Variants in PTPRD observed in about 807,000 individuals in gnomAD.
PTPRD encodes the protein protein tyrosine phosphatase receptor type D, also known as receptor-type tyrosine-protein phosphatase delta.
In PTPRD, 34 loss-of-function variants were observed where a neutral mutation model predicts 214.5. The observed-to-expected ratio is 0.16, with a 90% CI of 0.12 to 0.21. The LOEUF (loss-of-function observed/expected upper bound fraction) is 0.21, where lower values mean the gene tolerates loss of function less well. PTPRD is among the 10% of genes least tolerant of loss of function. PTPRD has a pLI of 1.00. For synonymous variants in PTPRD, 1,128 were observed against 845.7 expected (o/e 1.33, Z -5.79); for missense variants, 2,545 against 2,398.7 (o/e 1.06, Z -1.27).
intron 2 of PTPRD, among the ~76,000 whole-genome samples, chr9:10,505,461 T>C (rs1459339088): frequency 6.6e-6 from 1 of 152,196 alleles, no homozygotes; most frequent in Non-Finnish European, 1.5e-5. Context: ...AATAGACATA[T>C]CAGCCACTGA....
intron 5 of PTPRD, among the ~76,000 whole-genome samples, chr9:9,818,187 G>C (rs1309462554): frequency 6.6e-6 from 1 of 152,144 alleles, no homozygotes; most frequent in East Asian, 1.9e-4. Flanking sequence ...ACACCAACAA[G>C]AAGTGTCAGA....
chr9:8,713,693 T>G, intron 12 of PTPRD: 1 of 1,513,172 alleles, frequency 6.6e-7, no homozygotes, highest in South Asian at 1.1e-5. Context: ...CAGATCATGA[T>G]GGTGGAAGAG....
At chr9:9,936,416 A>C (rs1183713019) in intron 5 of PTPRD, among the ~76,000 whole-genome samples, 1 of 151,982 alleles carries the variant, frequency 6.6e-6, no homozygotes, top group African/African-American at 2.4e-5. Flanking sequence ...TGGGCGAAGG[A>C]CATGAACAGA....
At chr9:8,467,995 C>G (rs2096577410) in intron 31 of PTPRD, among the ~76,000 whole-genome samples, 1 of 151,986 alleles carries the variant, frequency 6.6e-6, no homozygotes, top group South Asian at 2.1e-4. Context: ...CTTCACTGAT[C>G]AAACCCTACC....
At position 8,746,794 on chromosome 9, in the gene PTPRD, G is replaced by C. The variant is rs536498385; in HGVS notation, c.-103-12848C>G. Among the ~76,000 whole-genome samples, 9 of 152,084 alleles carry C rather than the reference G, an allele frequency of 5.9e-5. No homozygotes were observed. The South Asian group carries it at 1.5e-3, about 25-fold the overall frequency. Reference sequence around the variant, plus strand: ...GGATCACTTGAGGTCAAGAGTTCAAGACCAGCCTGGGCAACATAACAAGAC... The same window carrying C: ...GGATCACTTGAGGTCAAGAGTTCAACACCAGCCTGGGCAACATAACAAGAC... On this transcript the variant is annotated intron_variant, in intron 11 of 45. Coordinates refer to ENST00000381196, the MANE Select transcript of PTPRD (RefSeq NM_002839.4).
chr9:9,017,207 C>A (rs1180020483), intron 11 of PTPRD, among the ~76,000 whole-genome samples: 2 of 152,120 alleles, frequency 1.3e-5, no homozygotes, highest in Non-Finnish European at 2.9e-5. Flanking sequence ...AACGAACAAC[C>A]ATACTTTTCC....
rs140599966 is a variant in PTPRD, at chr9:8,895,147, C to T, written c.-104+123550G>A. Among the ~76,000 whole-genome samples, 1,261 of 152,292 alleles carry T rather than the reference C, an allele frequency of 8.3e-3. 7 individuals carry two copies. The highest frequency in any genetic ancestry group is 0.014 in the Non-Finnish European group (965 of 68,022). Reference sequence around the variant, plus strand: ...TTACCAATTAAAGAACTTTGCAACCCTCCTAGCAGCTGTAGATATTTTTAA... The same window carrying T: ...TTACCAATTAAAGAACTTTGCAACCTTCCTAGCAGCTGTAGATATTTTTAA... On this transcript the variant is annotated intron_variant, in intron 11 of 45. Transcript: ENST00000381196.
chr9:9,473,289 T>G (rs956095312), intron 8 of PTPRD, among the ~76,000 whole-genome samples: 3 of 152,220 alleles, frequency 2.0e-5, no homozygotes, highest in African/African-American at 7.2e-5. Context: ...TTACGCATGT[T>G]GTATTGAGTG....
intron 3 of PTPRD, among the ~76,000 whole-genome samples, chr9:10,091,048 T>A (rs939123314): frequency 2.0e-5 from 3 of 151,052 alleles, no homozygotes; most frequent in African/African-American, 7.3e-5. Context: ...ATCATTTCCA[T>A]AATTATACCT....
chr9:9,780,867 T>C (rs999854522), intron 5 of PTPRD, among the ~76,000 whole-genome samples: 4 of 152,206 alleles, frequency 2.6e-5, no homozygotes, highest in Admixed American at 1.3e-4. Flanking sequence ...TGATATCAAC[T>C]ATCAAGCCAA....
At chr9:9,496,331 A>T (rs2096185486) in intron 8 of PTPRD, among the ~76,000 whole-genome samples, 1 of 152,190 alleles carries the variant, frequency 6.6e-6, no homozygotes, top group African/African-American at 2.4e-5. Context: ...CAAATATTTG[A>T]TAAGAGAAAA....
chr9:9,354,296 G>A (rs1476341195), intron 9 of PTPRD, among the ~76,000 whole-genome samples: 22 of 151,532 alleles, frequency 1.5e-4, no homozygotes, highest in Non-Finnish European at 3.1e-4. Context: ...GAATCCTGGG[G>A]GCTATTTTAG....
chr9:9,008,403 A>G (rs1460779691), intron 11 of PTPRD, among the ~76,000 whole-genome samples: 1 of 151,226 alleles, frequency 6.6e-6, no homozygotes, highest in East Asian at 2.0e-4. Flanking sequence ...AATTTTTTGT[A>G]TTTTTATTAG....
chr9:9,590,788 A>G (rs935170028), intron 7 of PTPRD, among the ~76,000 whole-genome samples: 1 of 152,042 alleles, frequency 6.6e-6, no homozygotes, highest in Non-Finnish European at 1.5e-5. Flanking sequence ...CTCCATTTGA[A>G]ATACTGTTTA....
intron 3 of PTPRD, among the ~76,000 whole-genome samples, chr9:10,067,147 G>A (rs1429869574): frequency 1.3e-5 from 2 of 151,812 alleles, no homozygotes; most frequent in Non-Finnish European, 2.9e-5. Flanking sequence ...TTGGCATTGT[G>A]AATCATATAA....
rs546126660 is a variant in PTPRD, at chr9:9,562,971, A to T, written c.-237+11761T>A. Among the ~76,000 whole-genome samples, 12 of 152,340 alleles carry T rather than the reference A, an allele frequency of 7.9e-5. No homozygotes were observed. The East Asian group carries it at 1.7e-3, about 22-fold the overall frequency. ...TCAAGCAGAAAGACAATGGTCTAGAACACAGTAGCTGCTCACCAAATATTT... is the reference window on the plus strand; with the variant it reads ...TCAAGCAGAAAGACAATGGTCTAGATCACAGTAGCTGCTCACCAAATATTT... On this transcript the variant is annotated intron_variant, in intron 8 of 45. Transcript: ENST00000381196.
chr9:9,490,440 A>G (rs1425356084), intron 8 of PTPRD, among the ~76,000 whole-genome samples: 2 of 152,112 alleles, frequency 1.3e-5, no homozygotes, highest in East Asian at 1.9e-4. Flanking sequence ...TAAAACATAT[A>G]TTACTCTAAA....
chr9:10,244,416 T>C (rs1418986207), intron 3 of PTPRD, among the ~76,000 whole-genome samples: 1 of 152,140 alleles, frequency 6.6e-6, no homozygotes, highest in Middle Eastern at 3.2e-3. Context: ...GCTGAATGCA[T>C]CTTTACAAGT....
At chr9:10,605,245 A>C (rs2078993120) in intron 2 of PTPRD, among the ~76,000 whole-genome samples, 1 of 151,850 alleles carries the variant, frequency 6.6e-6, no homozygotes, top group African/African-American at 2.4e-5. Context: ...GAGAAAACCA[A>C]AGCACTTCTG....
Sources: allele counts gnomAD v4.1 joint callset (sites outside exome capture counted in the v4.1 genomes callset), GRCh38; gene constraint gnomAD v4.1.1; transcripts MANE v1.5; gene names NCBI Gene and HGNC (gene_info 2026-07-23, HGNC 2026-07-21).